Variants in SRPK1 observed in about 807,000 individuals in gnomAD.
The protein encoded by SRPK1 is SFRS protein kinase 1.
In SRPK1, 52 loss-of-function variants were observed where a neutral mutation model predicts 89.5. The observed-to-expected ratio is 0.58, with a 90% confidence interval of 0.46 to 0.73. The LOEUF (loss-of-function observed/expected upper bound fraction) is 0.73. SRPK1 is among the 30% of genes least tolerant of loss of function. SRPK1 has a pLI of 0.00. For synonymous variants in SRPK1, 255 were observed against 270.2 expected, an observed-to-expected ratio of 0.94 and a Z score of 0.55; for missense variants, 603 against 780.6, an observed-to-expected ratio of 0.77 and a Z score of 2.71.
intron 2 of SRPK1, among the ~76,000 whole-genome samples, chr6:35,908,886 G>A (rs529373637): frequency 6.6e-5 from 10 of 152,354 alleles, no homozygotes; most frequent in South Asian, 4.1e-4. Flanking sequence ...CAGCTTCCAC[G>A]TGGTGTTGGG....
intron 13 of SRPK1, among the ~76,000 whole-genome samples, chr6:35,856,661 C>G (rs1053375271): frequency 6.6e-6 from 1 of 151,994 alleles, no homozygotes; most frequent in Admixed American, 6.6e-5. Flanking sequence ...TAAACAAACA[C>G]GATTAGAAAT....
chr6:35,878,951 T>C (rs1404211222), intron 6 of SRPK1, among the ~76,000 whole-genome samples: 1 of 151,874 alleles, frequency 6.6e-6, no homozygotes, highest in Non-Finnish European at 1.5e-5. Context: ...ATTAGCCAGG[T>C]GTGGTGGCAT....
rs542292962 is a variant in SRPK1 at position 35,921,077 on chromosome 6, G to T, written c.-21C>A. 1.3e-6 allele frequency: 2 copies of T among 1,515,984 alleles called. No homozygotes were observed. Among genetic ancestry groups the T allele is most frequent in the African/African-American group, 1.4e-5 (1 of 69,508 alleles). The allele number at this position is 1,515,984 out of a possible 1,614,324, so 93.9% of individuals were successfully genotyped here. The stretch of plus-strand genomic sequence containing the variant: ...TCCATGGTGAGACCGGTAATCGCCA[G>T]GCGCCTGCGCACTCGAGTGGCGGCG... On this transcript the variant is annotated 5_prime_UTR_variant, in exon 1 of 16. The change creates a new upstream start codon in the 5' untranslated region. Transcript: ENST00000373825.
In SRPK1 at chr6:35,888,937, G is replaced by T. The variant is rs182358771; in HGVS notation, c.194-14C>A. 627 of 1,545,798 alleles carry T rather than the reference G, an allele frequency of 4.1e-4. 4 individuals are homozygous for T. The African/African-American group carries it at 7.3e-3, about 18-fold the overall frequency. ...GATGATAACCTCCTGGAAGAAACAGGGGAAATACAATCAGAAAAACCAGGA... is the reference window on the plus strand; with the variant it reads ...GATGATAACCTCCTGGAAGAAACAGTGGAAATACAATCAGAAAAACCAGGA... On this transcript the variant is annotated splice_polypyrimidine_tract_variant and intron_variant, in intron 3 of 15. Coordinates refer to ENST00000373825, the MANE Select transcript of SRPK1 (RefSeq NM_003137.5).
chr6:35,838,308 C>T lies in SRPK1; in HGVS notation c.1783+29G>A, dbSNP rs758076159. The T allele has an allele frequency of 8.8e-6, 13 of 1,471,984 alleles. No individual in the cohort carries two copies. In the Admixed American group the frequency reaches 3.2e-4, roughly 36 times the overall value. 91.2% of individuals were successfully genotyped at this position (1,471,984 alleles called of 1,614,324 possible). Reference sequence around the variant, plus strand: ...CTTCATTTTTAAACACTTCTGCCTCCTTAATGTCTGGGAACACATTTACTT... The same window carrying T: ...CTTCATTTTTAAACACTTCTGCCTCTTTAATGTCTGGGAACACATTTACTT... On this transcript the variant is annotated intron_variant, in intron 15 of 15. Transcript: ENST00000373825.
intron 2 of SRPK1, among the ~76,000 whole-genome samples, chr6:35,904,230 T>C (rs1486171789): frequency 6.6e-6 from 1 of 152,232 alleles, no homozygotes; most frequent in Non-Finnish European, 1.5e-5. Context: ...TCTGAAGTTA[T>C]ACCCTGTTAA....
intron 13 of SRPK1, among the ~76,000 whole-genome samples, chr6:35,847,315 CCTT>C (rs1769446060): frequency 1.3e-5 from 2 of 152,212 alleles, no homozygotes; most frequent in African/African-American, 4.8e-5. Context: ...AAGTGATCCT[CCTT>C]CCTCAGCCTC....
intron 3 of SRPK1, 31 bp from the exon 4 acceptor site, chr6:35,888,954 A>G (rs772386383): frequency 6.9e-7 from 1 of 1,450,768 alleles, no homozygotes; most frequent in South Asian, 1.1e-5. Flanking sequence ...ACAATCAGAA[A>G]AACCAGGATG....
intron 6 of SRPK1, among the ~76,000 whole-genome samples, chr6:35,879,433 C>T (rs191827572): frequency 1.8e-4 from 28 of 151,414 alleles, no homozygotes; most frequent in African/African-American, 6.5e-4. Flanking sequence ...GTAGTCTCAG[C>T]TATTTGAAAG....
chr6:35,870,813 C>T (rs569834571), intron 9 of SRPK1, 121 bp downstream of exon 9: 15 of 833,766 alleles, frequency 1.8e-5, no homozygotes, highest in Admixed American at 1.5e-4. Flanking sequence ...ATTATAGAAG[C>T]GCAGGAATTT....
chr6:35,911,913 G>T (rs549603200), intron 2 of SRPK1, among the ~76,000 whole-genome samples: 1 of 147,018 alleles, frequency 6.8e-6, no homozygotes, highest in Non-Finnish European at 1.5e-5. Context: ...AAACATCATC[G>T]CATACTACAG....
intron 2 of SRPK1, among the ~76,000 whole-genome samples, chr6:35,899,161 CAAACA>C (rs1335429168): frequency 6.6e-6 from 1 of 152,102 alleles, no homozygotes; most frequent in African/African-American, 2.4e-5. Context: ...CTCCATCTCA[CAAACA>C]AAACAAAACA....
At chr6:35,883,426 A>C (rs1040700704) in intron 6 of SRPK1, among the ~76,000 whole-genome samples, 1 of 151,676 alleles carries the variant, frequency 6.6e-6, no homozygotes, top group African/African-American at 2.4e-5. Context: ...TAAATAAAAA[A>C]AATTATCAAA....
At chr6:35,880,386 CATT>C (rs1031856225) in intron 6 of SRPK1, among the ~76,000 whole-genome samples, 1 of 151,850 alleles carries the variant, frequency 6.6e-6, no homozygotes, top group African/African-American at 2.4e-5. Flanking sequence ...TGTGGGACAT[CATT>C]GAGTAGACCA....
intron 6 of SRPK1, among the ~76,000 whole-genome samples, chr6:35,885,282 CACACACACACACACACAGAGAG>C (rs1561985830): frequency 4.5e-5 from 6 of 134,070 alleles, no homozygotes; most frequent in Non-Finnish European, 8.2e-5. Context: ...CACACACACA[CACACACACACACACACAGAGAG>C]AGAGAGAGAG....
At chr6:35,915,904 G>A (rs1167976196) in intron 2 of SRPK1, among the ~76,000 whole-genome samples, 9 of 147,692 alleles carry the variant, frequency 6.1e-5, no homozygotes, top group Admixed American at 1.4e-4. Flanking sequence ...CCCAGGAGGC[G>A]GAGGTTGCAG....
At chr6:35,858,157 A>G (rs984717800) in intron 12 of SRPK1, among the ~76,000 whole-genome samples, 3 of 152,194 alleles carry the variant, frequency 2.0e-5, no homozygotes, top group Admixed American at 2.0e-4. Context: ...CATGAACCCC[A>G]TGCCATTTAT....
intron 2 of SRPK1, among the ~76,000 whole-genome samples, chr6:35,906,987 T>C (rs1770862542): frequency 6.6e-6 from 1 of 152,204 alleles, no homozygotes; most frequent in Non-Finnish European, 1.5e-5. Context: ...TTTATAGAAG[T>C]ATTACAATTA....
At chr6:35,907,654 G>A (rs561656218) in intron 2 of SRPK1, among the ~76,000 whole-genome samples, 14 of 151,934 alleles carry the variant, frequency 9.2e-5, no homozygotes, top group South Asian at 4.2e-4. Context: ...GCAGTGAGCC[G>A]AGATTGCACC....
Sources: allele counts gnomAD v4.1 joint callset (sites outside exome capture counted in the v4.1 genomes callset), GRCh38; gene constraint gnomAD v4.1.1; transcripts MANE v1.5; gene names NCBI Gene and HGNC (gene_info 2026-07-23, HGNC 2026-07-21).